The following HIPK1 variants were observed in gnomAD, a reference collection of about 807,000 sequenced individuals.
The protein encoded by HIPK1 is homeodomain interacting protein kinase 1.
HIPK1 carries 28 observed loss-of-function variants against 117.1 expected under a neutral mutation model. The observed-to-expected ratio is 0.24, with a 90% CI of 0.18 to 0.33. The LOEUF (loss-of-function observed/expected upper bound fraction) is 0.33. Ranked by LOEUF, HIPK1 falls within the 10% of genes least tolerant of loss-of-function variation. HIPK1 has a pLI of 1.00. For missense variants in HIPK1, 1,122 were observed against 1,475.1 expected, an observed-to-expected ratio of 0.76 and a Z score of 3.92; for synonymous variants, 605 against 562.5, an observed-to-expected ratio of 1.08 and a Z score of -1.07.
chr1:113,932,635 T>C (rs1454399303), intron 1 of HIPK1, among the ~76,000 whole-genome samples: 1 of 152,088 alleles, frequency 6.6e-6, no homozygotes, highest in African/African-American at 2.4e-5. Context: ...TGCCTCGGCC[T>C]CCCAAAGTGC....
intron 11 of HIPK1, 48 bp from the exon 12 acceptor site, chr1:113,967,718 C>G (rs748287511): frequency 1.3e-5 from 17 of 1,350,716 alleles, no homozygotes; most frequent in Non-Finnish European, 1.6e-5. Flanking sequence ...GGTCCTGATT[C>G]TTCAGTGGTT....
At chr1:113,961,772 C>T (rs759974502) in intron 8 of HIPK1, among the ~76,000 whole-genome samples, 15 of 151,544 alleles carry the variant, frequency 9.9e-5, no homozygotes, top group Non-Finnish European at 8.8e-5. Flanking sequence ...GGTGAAACCC[C>T]GTCTCTACTG....
rs1672431554 is a variant in HIPK1, at chr1:113,966,141, T to C, written c.2250T>C (p.Pro750=). The change falls in exon 11 of 16, where the codon CCT becomes CCC. Residue 750 remains proline (P), a synonymous_variant. Transcript: ENST00000426820. The part of the protein sequence containing the change: ...EQTAAVLQAW[P]GGTQQILLPS... ...GTGTTTCCTTACAGCAGGCGTGGCCTGGAGGGACTCAGCAAATTCTCCTGC... is the reference window on the plus strand; with the variant it reads ...GTGTTTCCTTACAGCAGGCGTGGCCCGGAGGGACTCAGCAAATTCTCCTGC... The C allele has an allele frequency of 6.2e-7, 1 of 1,613,768 alleles. No homozygotes were observed. Among genetic ancestry groups the C allele is most frequent in the African/African-American group, 1.3e-5 (1 of 74,912 alleles).
At chr1:113,963,309 G>C (rs931741798) in intron 9 of HIPK1, 78 bp from the exon 10 acceptor site, 8 of 1,493,590 alleles carry the variant, frequency 5.4e-6, no homozygotes, top group South Asian at 2.4e-5. Flanking sequence ...TAATAACTTG[G>C]GGGGAATGAG....
chr1:113,931,593 G>T (rs1331946214), intron 1 of HIPK1, among the ~76,000 whole-genome samples: 6 of 151,968 alleles, frequency 3.9e-5, no homozygotes, highest in Non-Finnish European at 8.8e-5. Flanking sequence ...GAGCAAGTTC[G>T]TTGGTAACTT....
rs748476092 is a variant in HIPK1, at chr1:113,956,863, C to T, written c.1592+52C>T. 3.1e-5 allele frequency: 48 copies of T among 1,526,752 alleles called. 2 individuals are homozygous for T. The South Asian group carries it at 5.1e-4, about 16-fold the overall frequency. 94.6% of individuals were successfully genotyped at this position (1,526,752 alleles called of 1,614,324 possible). On this transcript the variant is annotated intron_variant, in intron 6 of 15. Transcript: ENST00000426820. ...TGCCATGTGGTTCTTTGTTGAGTTACCGCCTTATCAATGGCACTATCAAAT... is the reference window on the plus strand; with the variant it reads ...TGCCATGTGGTTCTTTGTTGAGTTATCGCCTTATCAATGGCACTATCAAAT...
rs779713913 is a variant in HIPK1, at chr1:113,970,172, C to T, written c.2988C>T (p.Asp996=). 6.2e-7 allele frequency: 1 copy of T among 1,614,178 alleles called. No homozygotes were observed. The highest frequency in any genetic ancestry group is 1.1e-5 in the South Asian group (1 of 91,082). ...IVPPLKTQLG[D]CTVATQASGL... ...CTCCACTGAAAACTCAGCTTGGTGA[C>T]TGCACTGTAGCAACCCAGGCCTCAG... Residue 996 remains aspartate, a synonymous_variant, in exon 14 of 16, where the codon GAC becomes GAT. Coordinates refer to ENST00000426820, the MANE Select transcript of HIPK1 (RefSeq NM_198268.3).
intron 10 of HIPK1, among the ~76,000 whole-genome samples, chr1:113,963,809 C>G (rs985794006): frequency 6.6e-6 from 1 of 152,126 alleles, no homozygotes; most frequent in African/African-American, 2.4e-5. Context: ...CTTTGCCAGC[C>G]TAGTGTGATA....
At chr1:113,954,597 T>C in intron 3 of HIPK1, 54 bp from the exon 4 acceptor site, 1 of 1,596,114 alleles carries the variant, frequency 6.3e-7, no homozygotes, top group Non-Finnish European at 8.6e-7. Flanking sequence ...GTAAAAGCCT[T>C]TAATAATTTC....
chr1:113,973,670 G>A lies in HIPK1; in HGVS notation c.*158G>A. The A allele has an allele frequency of 2.6e-6, 2 of 756,622 alleles. No individual in the cohort carries two copies. Among genetic ancestry groups the A allele is most frequent in the Non-Finnish European group, 4.0e-6 (2 of 494,352 alleles). The allele number at this position is 756,622 out of a possible 1,614,324, so 46.9% of individuals were successfully genotyped here. On this transcript the variant is annotated 3_prime_UTR_variant, in exon 16 of 16. Coordinates refer to ENST00000426820, the MANE Select transcript of HIPK1 (RefSeq NM_198268.3). ...TGAAGCAGAAGGTTTTTCTCTGGGG[G>A]AACCTGTCTCAGTGTTGACTGCATT... is the stretch of plus-strand genomic sequence containing the variant.
chr1:113,973,700 T>C lies in HIPK1; in HGVS notation c.*188T>C. 1 of 529,398 alleles carries C rather than the reference T, an allele frequency of 1.9e-6. No homozygotes were observed. The highest frequency in any genetic ancestry group is 3.1e-6 in the Non-Finnish European group (1 of 323,454). The allele number at this position is 529,398 out of a possible 1,614,324, so 32.8% of individuals were successfully genotyped here. On this transcript the variant is annotated 3_prime_UTR_variant, in exon 16 of 16. Transcript: ENST00000426820. Reference sequence around the variant, plus strand: ...TGTCTCAGTGTTGACTGCATTGTTGTAGTCTTCCCAAAGTTTGCCCTATTT... The same window carrying C: ...TGTCTCAGTGTTGACTGCATTGTTGCAGTCTTCCCAAAGTTTGCCCTATTT...
chr1:113,971,853 G>A lies in HIPK1; in HGVS notation c.3043G>A (p.Ala1015Thr), dbSNP rs114944075. Residue 1015 changes from alanine to threonine, a missense_variant, in exon 15 of 16, where the codon GCT (alanine) becomes ACT (threonine). Ala to Thr is a moderately conservative substitution (Grantham distance 58). Around this residue, in one of 6 missense-constraint regions of HIPK1, gnomAD observed 731 missense variants for 860.4 expected, o/e 0.85. Transcript: ENST00000426820. ...CCTGAGCAATAAGACTAAGCCAGTC[G>A]CTTCAGTGAGTGGGCAGTCATCTGG... The part of the protein sequence containing the change: ...GLLSNKTKPV[A>T]SVSGQSSGCC... 1.6e-4 allele frequency: 261 copies of A among 1,598,498 alleles called. No individual in the cohort carries two copies. Among genetic ancestry groups the A allele is most frequent in the East Asian group, 5.4e-4 (24 of 44,732 alleles).
chr1:113,943,339 A>G (rs866682945), intron 2 of HIPK1, among the ~76,000 whole-genome samples: 4 of 152,114 alleles, frequency 2.6e-5, no homozygotes, highest in South Asian at 4.1e-4. Context: ...TGTCTCTATG[A>G]ATTTGCCTAT....
chr1:113,950,695 G>T (rs1041377147), intron 2 of HIPK1, among the ~76,000 whole-genome samples: 1 of 152,156 alleles, frequency 6.6e-6, no homozygotes, highest in African/African-American at 2.4e-5. Flanking sequence ...TAGAGATGGA[G>T]TTTCACCGTG....
intron 10 of HIPK1, among the ~76,000 whole-genome samples, chr1:113,965,034 G>C (rs767115122): frequency 6.6e-6 from 1 of 152,132 alleles, no homozygotes; most frequent in Non-Finnish European, 1.5e-5. Flanking sequence ...TTTATTTTTT[G>C]TTTTGTTTTA....
At chr1:113,929,965 C>T (rs1669737393) in intron 1 of HIPK1, 1 of 985,020 alleles carries the variant, frequency 1.0e-6, no homozygotes. Flanking sequence ...CAGGAGGGGT[C>T]CTCGGCGGGG....
Position 113,973,726 on chromosome 1 carries a change from TTAAATTCATTA to T in HIPK1, c.*216_*226del. The T allele has an allele frequency of 2.3e-6, 1 of 435,138 alleles. No homozygotes were observed. The highest frequency in any genetic ancestry group is 3.9e-6 in the Non-Finnish European group (1 of 254,342). 27.0% of individuals were successfully genotyped at this position (435,138 alleles called of 1,614,324 possible). On this transcript the variant is annotated 3_prime_UTR_variant, in exon 16 of 16. Coordinates refer to ENST00000426820, the MANE Select transcript of HIPK1 (RefSeq NM_198268.3). ...AGTCTTCCCAAAGTTTGCCCTATTT[TTAAATTCATTA>T]TTTTTGTGACAGTAATTTTGGTACT...
chr1:113,957,089 G>C, intron 6 of HIPK1, 35 bp from the exon 7 acceptor site: 1 of 1,537,562 alleles, frequency 6.5e-7, no homozygotes. Flanking sequence ...TTAAATCTCA[G>C]CATTCATTTA....
chr1:113,968,950 G>C (rs1217814550), intron 13 of HIPK1, among the ~76,000 whole-genome samples: 2 of 152,172 alleles, frequency 1.3e-5, no homozygotes, highest in Non-Finnish European at 2.9e-5. Flanking sequence ...AACCCAGGAG[G>C]CGGAGGTTAC....
Sources: gnomAD v4.1 joint callset for allele counts (sites outside exome capture counted in the v4.1 genomes callset) on GRCh38, gnomAD v4.1.1 for gene constraint, gnomAD v4.1.1 regional missense constraint, MANE v1.5 for transcripts, NCBI Gene and HGNC (gene_info 2026-07-23, HGNC 2026-07-21) for gene names.